Variants in PSD3 observed in about 807,000 individuals in gnomAD.
The protein encoded by PSD3 is pleckstrin and Sec7 domain containing 3.
A neutral mutation model predicts 105.5 loss-of-function variants in PSD3; 49 were observed. The observed-to-expected ratio is 0.46, with a 90% CI of 0.37 to 0.59. The LOEUF (loss-of-function observed/expected upper bound fraction) is 0.59. Ranked by LOEUF, PSD3 falls within the 20% of genes least tolerant of loss-of-function variation. The pLI is 0.00. For synonymous variants in PSD3, 557 were observed against 457.8 expected, an observed-to-expected ratio of 1.22 and a Z score of -2.77; for missense variants, 1,561 against 1,263.8, an observed-to-expected ratio of 1.24 and a Z score of -3.57.
intron 12 of PSD3, among the ~76,000 whole-genome samples, chr8:18,581,929 A>C (rs969453433): frequency 1.3e-5 from 2 of 152,170 alleles, no homozygotes; most frequent in African/African-American, 4.8e-5. Flanking sequence ...CAGAAAGGAA[A>C]ATGAGGCAAA....
chr8:18,589,393 G>C (rs1803433721), intron 12 of PSD3, among the ~76,000 whole-genome samples: 1 of 152,116 alleles, frequency 6.6e-6, no homozygotes, highest in South Asian at 2.1e-4. Context: ...TTGGGTTTCA[G>C]CTAACTCCAT....
At chr8:18,841,116 A>G (rs1193801924) in intron 4 of PSD3, among the ~76,000 whole-genome samples, 1 of 152,208 alleles carries the variant, frequency 6.6e-6, no homozygotes, top group Non-Finnish European at 1.5e-5. Context: ...CAAGTTTACA[A>G]CCCAAACCAC....
At chr8:18,666,731 T>TGGGGGGGG (rs1491016179) in intron 9 of PSD3, among the ~76,000 whole-genome samples, 9 of 123,836 alleles carry the variant, frequency 7.3e-5, no homozygotes, top group African/African-American at 2.8e-4. Context: ...TTTTGGGGGG[T>TGGGGGGGG]GGGGGGAAGT....
chr8:19,002,356 C>G (rs561299182), intron 1 of PSD3, among the ~76,000 whole-genome samples: 1 of 152,054 alleles, frequency 6.6e-6, no homozygotes, highest in Non-Finnish European at 1.5e-5. Flanking sequence ...GAGCTTGACC[C>G]TGAGGCACTT....
chr8:18,847,801 TG>T (rs1815219553), intron 4 of PSD3, among the ~76,000 whole-genome samples: 1 of 152,146 alleles, frequency 6.6e-6, no homozygotes, highest in South Asian at 2.1e-4. Context: ...AAGGCTACCC[TG>T]GGATCAGAGT....
intron 9 of PSD3, among the ~76,000 whole-genome samples, chr8:18,667,140 G>A (rs534544308): frequency 6.6e-6 from 1 of 152,208 alleles, no homozygotes; most frequent in African/African-American, 2.4e-5. Context: ...TGGTGGCTCA[G>A]GCAGCCTGCT....
chr8:18,950,798 G>A (rs1220713635), intron 1 of PSD3, among the ~76,000 whole-genome samples: 1 of 152,112 alleles, frequency 6.6e-6, no homozygotes, highest in Non-Finnish European at 1.5e-5. Context: ...ACATCAGGTT[G>A]TTCCCTGGTG....
At chr8:18,968,792 C>T (rs1824445777) in intron 1 of PSD3, among the ~76,000 whole-genome samples, 1 of 149,150 alleles carries the variant, frequency 6.7e-6, no homozygotes, top group African/African-American at 2.5e-5. Context: ...AGAAGAATCG[C>T]TTGAACCCAG....
At chr8:18,682,422 A>C (rs1800440133) in intron 9 of PSD3, among the ~76,000 whole-genome samples, 1 of 152,240 alleles carries the variant, frequency 6.6e-6, no homozygotes, top group South Asian at 2.1e-4. Flanking sequence ...GGTCTATTTC[A>C]GCAGGAGACC....
At chr8:18,921,350 G>A (rs1433326300) in intron 2 of PSD3, among the ~76,000 whole-genome samples, 3 of 152,162 alleles carry the variant, frequency 2.0e-5, no homozygotes, top group Admixed American at 1.3e-4. Flanking sequence ...AATGGTTCTC[G>A]AGCCTGTATG....
rs577043338 is a variant in PSD3, at chr8:18,643,147, A to G, written c.2217-10341T>C. 3.9e-5 allele frequency among the ~76,000 whole-genome samples: 6 copies of G among 152,268 alleles called. No individual in the cohort carries two copies. The East Asian group carries it at 1.2e-3, about 29-fold the overall frequency. ...TCCAAAGTCAAGGGTCCTGAATCTG[A>G]TGAGGGACTCCCTTGCTACATCATC... is the stretch of plus-strand genomic sequence containing the variant. On this transcript the variant is annotated intron_variant, in intron 10 of 15. Transcript: ENST00000327040.
In PSD3 at chr8:18,683,400, A is replaced by G. The variant is rs376586663; in HGVS notation, c.2173-27715T>C. On this transcript the variant is annotated intron_variant, in intron 9 of 15. Transcript: ENST00000327040. Reference sequence around the variant, plus strand: ...TAACTGAAAGATAAAATCATACACAATATCTCTGTATTCCTGATGTTCTAA... The same window carrying G: ...TAACTGAAAGATAAAATCATACACAGTATCTCTGTATTCCTGATGTTCTAA... 2.6e-5 allele frequency among the ~76,000 whole-genome samples: 4 copies of G among 152,320 alleles called. No homozygotes were observed. The East Asian group carries it at 5.8e-4, about 22-fold the overall frequency.
At chr8:18,697,060 T>C (rs954199416) in intron 9 of PSD3, among the ~76,000 whole-genome samples, 7 of 118,036 alleles carry the variant, frequency 5.9e-5, no homozygotes, top group Middle Eastern at 4.6e-3. Flanking sequence ...CTGGGCAACA[T>C]AGTAAGACTC....
rs1243770810 is a variant in PSD3 at position 18,804,978 on chromosome 8, GTTTTC to G, written c.1635-85_1635-81del. The stretch of plus-strand genomic sequence containing the variant: ...GAAAATATCTGATGAAATATTGATA[GTTTTC>G]TTTTAGTTCAGCTACACTTAGATGA... On this transcript the variant is annotated intron_variant, in intron 4 of 15. Coordinates refer to ENST00000327040, the MANE Select transcript of PSD3 (RefSeq NM_015310.4). 12 of 1,228,068 alleles carry G rather than the reference GTTTTC, an allele frequency of 9.8e-6. No individual in the cohort carries two copies. The African/African-American group carries it at 1.5e-4, about 16-fold the overall frequency. The allele number at this position is 1,228,068 out of a possible 1,614,324, so 76.1% of individuals were successfully genotyped here. A position where few individuals can be genotyped will look rare whatever the true frequency, so the allele number is the denominator to read the frequency against.
chr8:19,036,049 C>A (rs377200977), intron 1 of PSD3, among the ~76,000 whole-genome samples: 4 of 151,944 alleles, frequency 2.6e-5, no homozygotes, highest in East Asian at 3.9e-4. Flanking sequence ...GTCACCATGC[C>A]CAGCCAAAAA....
intron 1 of PSD3, among the ~76,000 whole-genome samples, chr8:19,018,865 C>A (rs1443904932): frequency 6.6e-6 from 1 of 152,198 alleles, no homozygotes; most frequent in African/African-American, 2.4e-5. Flanking sequence ...GGCTCAATCT[C>A]AGCTCACTGC....
chr8:18,813,329 A>G (rs1321603840), intron 4 of PSD3, among the ~76,000 whole-genome samples: 1 of 152,128 alleles, frequency 6.6e-6, no homozygotes, highest in Non-Finnish European at 1.5e-5. Context: ...GGTTCGAAGA[A>G]ACGATAGGTA....
chr8:18,736,161 A>G lies in PSD3; in HGVS notation c.2172+29288T>C, dbSNP rs1054850771. 1.8e-4 allele frequency among the ~76,000 whole-genome samples: 27 copies of G among 152,176 alleles called. 2 individuals are homozygous for G. The highest frequency in any genetic ancestry group is 7.4e-5 in the Non-Finnish European group (5 of 68,014). On this transcript the variant is annotated intron_variant, in intron 9 of 15. Coordinates refer to ENST00000327040, the MANE Select transcript of PSD3 (RefSeq NM_015310.4). ...ACCTTATATATCTCACGTAATTTCT[A>G]TAACCTCCAACTTCCATACTTACAA...
chr8:18,674,440 C>T (rs1377406289), intron 9 of PSD3, among the ~76,000 whole-genome samples: 1 of 152,192 alleles, frequency 6.6e-6, no homozygotes, highest in Non-Finnish European at 1.5e-5. Flanking sequence ...TTGAAAAATC[C>T]TCTCTCATTC....
Sources: allele counts gnomAD v4.1 joint callset (sites outside exome capture counted in the v4.1 genomes callset), GRCh38; gene constraint gnomAD v4.1.1; transcripts MANE v1.5; gene names NCBI Gene and HGNC (gene_info 2026-07-23, HGNC 2026-07-21).